ABI3BP: variants seen among roughly 807,000 people sequenced by gnomAD.
The protein encoded by ABI3BP is ABI family member 3 binding protein, also known as target of Nesh-SH3.
A neutral mutation model predicts 268.6 loss-of-function variants in ABI3BP; 216 were observed. That is an observed-to-expected ratio of 0.80 (90% CI 0.72 to 0.90). The LOEUF is 0.90. Among genes scored for constraint, ABI3BP ranks in the 40% least tolerant of loss-of-function variants. ABI3BP has a pLI of 0.00. For missense variants in ABI3BP, 2,090 were observed against 2,182.4 expected, an observed-to-expected ratio of 0.96 and a Z score of 0.84; for synonymous variants, 730 against 730.0, an observed-to-expected ratio of 1.00 and a Z score of 0.00.
intron 2 of ABI3BP, among the ~76,000 whole-genome samples, chr3:100,924,731 A>G (rs1344393256): frequency 6.6e-6 from 1 of 152,182 alleles, no homozygotes; most frequent in Non-Finnish European, 1.5e-5. Context: ...ATATTTGTGC[A>G]ACAAATTCTC....
At chr3:100,897,358 A>C (rs2048194594) in intron 4 of ABI3BP, among the ~76,000 whole-genome samples, 1 of 152,208 alleles carries the variant, frequency 6.6e-6, no homozygotes, top group Non-Finnish European at 1.5e-5. Flanking sequence ...ATGTCCACCA[A>C]AATTTTATGC....
In ABI3BP at chr3:100,830,106, CATACATATATATATATATAT is replaced by C. The variant is rs1208792999; in HGVS notation, c.2458+452_2459-443del. ...CTATATACATATACATACATACATA[CATACATATATATATATATAT>C]ATATATATATATATATATATATATA... On this transcript the variant is annotated intron_variant, in intron 32 of 67. Transcript: ENST00000471714. Among the ~76,000 whole-genome samples, 303 of 76,982 alleles carry C rather than the reference CATACATATATATATATATAT, an allele frequency of 3.9e-3. 3 individuals carry two copies. Among genetic ancestry groups the C allele is most frequent in the African/African-American group, 0.019 (278 of 14,440 alleles). 50.5% of individuals were successfully genotyped at this position (76,982 alleles called of 152,430 possible).
intron 63 of ABI3BP, among the ~76,000 whole-genome samples, chr3:100,762,898 C>G (rs1413952147): frequency 3.3e-5 from 5 of 152,154 alleles, no homozygotes; most frequent in Non-Finnish European, 7.4e-5. Flanking sequence ...TTCTTTACTT[C>G]AGACTACTGA....
chr3:100,780,247 C>T (rs923185655), intron 57 of ABI3BP, 38 bp from the exon 58 acceptor site: 6 of 1,585,522 alleles, frequency 3.8e-6, no homozygotes, highest in Middle Eastern at 1.7e-4. Flanking sequence ...AAACATATAG[C>T]AAAAATGTTC....
chr3:100,860,564 T>C (rs1288674054), intron 14 of ABI3BP, among the ~76,000 whole-genome samples: 1 of 152,166 alleles, frequency 6.6e-6, no homozygotes, highest in African/African-American at 2.4e-5. Flanking sequence ...TCTATTTTCG[T>C]CTCATTGTAA....
chr3:100,813,810 T>A, intron 44 of ABI3BP, 75 bp from the exon 45 acceptor site: 1 of 1,221,456 alleles, frequency 8.2e-7, no homozygotes, highest in Non-Finnish European at 1.2e-6. Flanking sequence ...GAGGTAGCAG[T>A]GAAATAAAAT....
At chr3:100,862,939 A>G in intron 12 of ABI3BP, 30 bp from the exon 13 acceptor site, 1 of 1,468,608 alleles carries the variant, frequency 6.8e-7, no homozygotes, top group Non-Finnish European at 9.1e-7. Flanking sequence ...GAAAGTTACG[A>G]CCTGAGGTGA....
chr3:100,972,553 A>G (rs923157873), intron 1 of ABI3BP, among the ~76,000 whole-genome samples: 1 of 152,222 alleles, frequency 6.6e-6, no homozygotes, highest in Non-Finnish European at 1.5e-5. Context: ...AAAAGTAAAT[A>G]AACATTTCCA....
In ABI3BP at chr3:100,796,457, C is replaced by G. The variant is rs367999543; in HGVS notation, c.3769G>C (p.Val1257Leu). 16 of 1,602,006 alleles carry G rather than the reference C, an allele frequency of 1.0e-5. No homozygotes were observed. The highest frequency in any genetic ancestry group is 1.4e-5 in the Non-Finnish European group (16 of 1,173,984). Reference sequence around the variant, plus strand: ...GGGTATGGTTTATGAGGAAGGAGCACATCTTTTGGAGCTGAAAGAAAAAGA... The same window carrying G: ...GGGTATGGTTTATGAGGAAGGAGCAGATCTTTTGGAGCTGAAAGAAAAAGA... ...VSYTTPAPKDVLLPHKPYPEV... is the reference protein window; with the variant it reads ...VSYTTPAPKDLLLPHKPYPEV... Residue 1257 changes from valine (V) to leucine (L), a missense_variant, in exon 52 of 68, where the codon GTG (valine) becomes CTG (leucine). Val to Leu is a conservative substitution (Grantham distance 32). Coordinates refer to ENST00000471714, the MANE Select transcript of ABI3BP (RefSeq NM_001375547.2).
chr3:100,922,592 T>TGTGAC (rs1407423577), intron 2 of ABI3BP, among the ~76,000 whole-genome samples: 1 of 151,668 alleles, frequency 6.6e-6, no homozygotes, highest in Non-Finnish European at 1.5e-5. Flanking sequence ...GTGATGGTGA[T>TGTGAC]GTGACGTGAC....
intron 57 of ABI3BP, 111 bp from the exon 58 acceptor site, chr3:100,780,320 G>T: frequency 1.0e-6 from 1 of 967,236 alleles, no homozygotes; most frequent in Non-Finnish European, 1.5e-6. Context: ...GAGCATTGGT[G>T]TTTTTATGCC....
chr3:100,817,458 G>T lies in ABI3BP; in HGVS notation c.3126C>A (p.Thr1042=). ...TTVLEPDTFR[T]KFPETTLAPK... ...TACCTAACGTTGTTTCTGGAAACTT[G>T]GTTCTAAAAGTGTCAGGTTCAAGGA... Residue 1042 remains threonine (T), a synonymous_variant, in exon 42 of 68, where the codon ACC becomes ACA. Coordinates refer to ENST00000471714, the MANE Select transcript of ABI3BP (RefSeq NM_001375547.2). 1.3e-6 allele frequency: 2 copies of T among 1,509,312 alleles called. No individual in the cohort carries two copies. Among genetic ancestry groups the T allele is most frequent in the South Asian group, 2.5e-5 (2 of 79,444 alleles). 93.5% of individuals were successfully genotyped at this position (1,509,312 alleles called of 1,614,324 possible). A position where few individuals can be genotyped will look rare whatever the true frequency, so the allele number is the denominator to read the frequency against.
intron 54 of ABI3BP, among the ~76,000 whole-genome samples, chr3:100,793,063 T>C (rs1040322070): frequency 4.6e-5 from 7 of 151,916 alleles, no homozygotes; most frequent in African/African-American, 1.4e-4. Flanking sequence ...ATGGCTCATG[T>C]ATGAAAGTCT....
At chr3:100,763,491 A>G (rs1298201941) in intron 63 of ABI3BP, among the ~76,000 whole-genome samples, 1 of 151,960 alleles carries the variant, frequency 6.6e-6, no homozygotes, top group African/African-American at 2.4e-5. Context: ...AAAAGAAAAA[A>G]TCTAGACAGG....
chr3:100,808,289 C>T, intron 49 of ABI3BP, 54 bp from the exon 50 acceptor site: 1 of 1,361,198 alleles, frequency 7.3e-7, no homozygotes. Flanking sequence ...AATGACAGTA[C>T]CTAAGCCTCT....
chr3:100,837,810 G>A (rs997800203), intron 26 of ABI3BP, among the ~76,000 whole-genome samples: 8 of 152,084 alleles, frequency 5.3e-5, no homozygotes, highest in African/African-American at 1.9e-4. Context: ...TTTAGAGGAA[G>A]CTAATCCCTG....
At chr3:100,761,468 A>G (rs1445831621) in intron 63 of ABI3BP, among the ~76,000 whole-genome samples, 2 of 152,164 alleles carry the variant, frequency 1.3e-5, no homozygotes, top group African/African-American at 4.8e-5. Flanking sequence ...AGCTGCACCC[A>G]TGTGGCTCTC....
intron 1 of ABI3BP, among the ~76,000 whole-genome samples, chr3:100,991,766 G>A (rs1050480136): frequency 9.2e-5 from 14 of 151,748 alleles, no homozygotes; most frequent in East Asian, 1.9e-4. Flanking sequence ...GGCCATTTTC[G>A]ACAACTATGT....
At chr3:100,760,934 G>A (rs1462851213) in intron 63 of ABI3BP, among the ~76,000 whole-genome samples, 2 of 151,850 alleles carry the variant, frequency 1.3e-5, no homozygotes, top group Non-Finnish European at 2.9e-5. Flanking sequence ...TTGTTATGTA[G>A]GTAAACTCAT....
Sources: allele counts gnomAD v4.1 joint callset (sites outside exome capture counted in the v4.1 genomes callset), GRCh38; gene constraint gnomAD v4.1.1; transcripts MANE v1.5; gene names NCBI Gene and HGNC (gene_info 2026-07-23, HGNC 2026-07-21).